Variants in SNX27 observed in about 807,000 individuals in gnomAD.
SNX27 encodes sorting nexin 27.
In SNX27, 22 loss-of-function variants were observed where a neutral mutation model predicts 71.6. That is an observed-to-expected ratio of 0.31 (90% confidence interval 0.22 to 0.44). The LOEUF (loss-of-function observed/expected upper bound fraction) is 0.44, where lower values mean the gene tolerates loss of function less well. Ranked by LOEUF, SNX27 falls within the 20% of genes least tolerant of loss-of-function variation. The pLI is 1.00. For synonymous variants in SNX27, 269 were observed against 277.2 expected, an observed-to-expected ratio of 0.97 and a Z score of 0.29; for missense variants, 531 against 698.6, an observed-to-expected ratio of 0.76 and a Z score of 2.70.
intron 2 of SNX27, among the ~76,000 whole-genome samples, chr1:151,652,423 T>C (rs1297035602): frequency 1.2e-4 from 18 of 149,560 alleles, no homozygotes; most frequent in South Asian, 8.7e-4. Flanking sequence ...TTTTTTTTTT[T>C]CCTCAGACGG....
intron 2 of SNX27, among the ~76,000 whole-genome samples, chr1:151,657,057 T>C (rs1669730263): frequency 6.6e-6 from 1 of 152,230 alleles, no homozygotes; most frequent in Non-Finnish European, 1.5e-5. Context: ...GGATGTGGAA[T>C]AGAGGAGGCG....
chr1:151,634,436 G>A (rs1029640441), intron 1 of SNX27, among the ~76,000 whole-genome samples: 2 of 152,036 alleles, frequency 1.3e-5, no homozygotes, highest in African/African-American at 4.8e-5. Flanking sequence ...TTCACAAGTA[G>A]TATACAAATC....
Position 151,692,924 on chromosome 1 carries a change from C to T in SNX27, c.1403C>T (p.Ala468Val). 1 of 1,614,118 alleles carries T rather than the reference C, an allele frequency of 6.2e-7. No homozygotes were observed. The highest frequency in any genetic ancestry group is 1.6e-4 in the Middle Eastern group (1 of 6,062). The change falls in exon 10 of 12, where the codon GCA becomes GTA. Residue 468 changes from alanine to valine, a missense_variant. This residue lies in a region of SNX27 where 157 missense variants were observed against 178.4 expected (regional missense o/e 0.88). Coordinates refer to ENST00000458013, the MANE Select transcript of SNX27 (RefSeq NM_001330723.2). ...TTGGTTGTCCAGAACCAGGTAATTG[C>T]ATTTGAATGGGATGAGATGCAGCGA... is the stretch of plus-strand genomic sequence containing the variant. Reference protein sequence around the residue: ...EEGQLENQVIAFEWDEMQRWD... With the variant: ...EEGQLENQVIVFEWDEMQRWD...
chr1:151,618,983 C>A (rs1336732180), intron 1 of SNX27, among the ~76,000 whole-genome samples: 3 of 150,454 alleles, frequency 2.0e-5, no homozygotes, highest in Non-Finnish European at 4.4e-5. Context: ...GTAAGAGATA[C>A]ATTTTACATT....
intron 7 of SNX27, among the ~76,000 whole-genome samples, chr1:151,670,867 T>G (rs1224191533): frequency 6.6e-6 from 1 of 152,204 alleles, no homozygotes; most frequent in Non-Finnish European, 1.5e-5. Context: ...CCCAGACTCA[T>G]GTCCTGGAGA....
intron 8 of SNX27, among the ~76,000 whole-genome samples, chr1:151,689,679 C>T (rs141829546): frequency 3.3e-5 from 5 of 152,226 alleles, no homozygotes; most frequent in African/African-American, 1.2e-4. Context: ...CAAGGGTCAA[C>T]GACACCCACT....
intron 2 of SNX27, among the ~76,000 whole-genome samples, chr1:151,657,259 T>C (rs943874222): frequency 1.3e-5 from 2 of 152,172 alleles, no homozygotes; most frequent in African/African-American, 4.8e-5. Context: ...CTGCTTCCTC[T>C]GCCTCCTGGA....
chr1:151,623,419 C>T lies in SNX27; in HGVS notation c.311+10907C>T, dbSNP rs142473788. On this transcript the variant is annotated intron_variant, in intron 1 of 11. Coordinates refer to ENST00000458013, the MANE Select transcript of SNX27 (RefSeq NM_001330723.2). Reference sequence around the variant, plus strand: ...CCTCCCAAAGTGCTGGGATTACAGGCGTGAGCCACCGCGCCCAGTATTTTT... The same window carrying T: ...CCTCCCAAAGTGCTGGGATTACAGGTGTGAGCCACCGCGCCCAGTATTTTT... Among the ~76,000 whole-genome samples the T allele has an allele frequency of 2.1e-3, 315 of 151,552 alleles. 2 individuals carry two copies. Among genetic ancestry groups the T allele is most frequent in the African/African-American group, 7.1e-3 (295 of 41,282 alleles).
chr1:151,630,861 G>A (rs1402187746), intron 1 of SNX27, among the ~76,000 whole-genome samples: 2 of 152,126 alleles, frequency 1.3e-5, no homozygotes, highest in African/African-American at 2.4e-5. Context: ...GTGAAACCCC[G>A]TCTCTACTAA....
Position 151,697,496 on chromosome 1 carries a change from C to T in SNX27, c.*3079C>T, listed in dbSNP as rs1357583010. 6.6e-6 allele frequency: 1 copy of T among 152,636 alleles called. No individual in the cohort carries two copies. The highest frequency in any genetic ancestry group is 2.4e-5 in the African/African-American group (1 of 41,422). The allele number at this position is 152,636 out of a possible 1,614,324, so 9.5% of individuals were successfully genotyped here. A position where few individuals can be genotyped will look rare whatever the true frequency, so the allele number is the denominator to read the frequency against. Reference sequence around the variant, plus strand: ...TTGGCAGAATTTATTTAGGAACAGCCCTTTTGAAAGTGTCCCAGTAACAAC... The same window carrying T: ...TTGGCAGAATTTATTTAGGAACAGCTCTTTTGAAAGTGTCCCAGTAACAAC... On this transcript the variant is annotated 3_prime_UTR_variant, in exon 12 of 12. Coordinates refer to ENST00000458013, the MANE Select transcript of SNX27 (RefSeq NM_001330723.2).
intron 2 of SNX27, among the ~76,000 whole-genome samples, chr1:151,656,589 A>G (rs1465480951): frequency 6.6e-6 from 1 of 152,216 alleles, no homozygotes; most frequent in Non-Finnish European, 1.5e-5. Flanking sequence ...TTGAATATGC[A>G]TATAACTCTG....
chr1:151,677,903 T>A (rs1185865822), intron 7 of SNX27: 1 of 152,232 alleles, frequency 6.6e-6, no homozygotes. Context: ...GAGGTATAGT[T>A]TACATACAAT....
intron 2 of SNX27, among the ~76,000 whole-genome samples, chr1:151,643,882 ACTC>A (rs1226868694): frequency 6.7e-6 from 1 of 150,276 alleles, no homozygotes; most frequent in Non-Finnish European, 1.5e-5. Flanking sequence ...CTGGTCTTGA[ACTC>A]CTGACCTCAG....
At chr1:151,664,106 TTA>T (rs907456093) in intron 5 of SNX27, among the ~76,000 whole-genome samples, 21 of 147,582 alleles carry the variant, frequency 1.4e-4, no homozygotes, top group Non-Finnish European at 3.1e-4. Context: ...ATAAATATAA[TTA>T]TATATATTAA....
intron 2 of SNX27, among the ~76,000 whole-genome samples, chr1:151,651,570 C>T (rs1266186309): frequency 1.7e-4 from 26 of 150,636 alleles, no homozygotes; most frequent in African/African-American, 5.6e-4. Context: ...GACGGGGTCG[C>T]GGCCAGGCAG....
intron 3 of SNX27, 142 bp from the exon 4 acceptor site, chr1:151,660,656 C>T: frequency 1.6e-6 from 1 of 632,650 alleles, no homozygotes; most frequent in Non-Finnish European, 2.9e-6. Context: ...ATATACCAGA[C>T]ATGGTTTGCT....
chr1:151,649,642 T>C (rs1669232672), intron 2 of SNX27, among the ~76,000 whole-genome samples: 1 of 152,198 alleles, frequency 6.6e-6, no homozygotes, highest in Non-Finnish European at 1.5e-5. Flanking sequence ...AGAAGCCTGC[T>C]TGTTTTATTT....
intron 5 of SNX27, among the ~76,000 whole-genome samples, chr1:151,664,514 A>G (rs955949271): frequency 5.3e-5 from 8 of 151,984 alleles, no homozygotes; most frequent in Non-Finnish European, 1.0e-4. Context: ...TTAGTGAGAA[A>G]CTGTATTTAG....
intron 1 of SNX27, among the ~76,000 whole-genome samples, chr1:151,623,266 G>A (rs539224242): frequency 1.8e-4 from 27 of 152,092 alleles, no homozygotes; most frequent in African/African-American, 5.5e-4. Flanking sequence ...TCAGCCTCCC[G>A]AGTAGCTGGG....
Sources: allele counts gnomAD v4.1 joint callset (sites outside exome capture counted in the v4.1 genomes callset), GRCh38; gene constraint gnomAD v4.1.1; regional missense constraint gnomAD v4.1.1; transcripts MANE v1.5; gene names NCBI Gene and HGNC (gene_info 2026-07-23, HGNC 2026-07-21).